NUP214: variants seen among roughly 807,000 people sequenced by gnomAD.
NUP214 encodes nuclear pore complex protein Nup214.
Under a neutral mutation model 196.2 loss-of-function variants are expected in NUP214, and 79 were observed. The observed-to-expected ratio is 0.40, with a 90% CI of 0.34 to 0.49. NUP214 has a LOEUF of 0.49. NUP214 is among the 20% of genes least tolerant of loss of function. The probability of loss-of-function intolerance (pLI) is 0.58; values close to 1 mark genes in which losing one functional copy is unlikely to be tolerated. For missense variants in NUP214, 2,468 were observed against 2,539.0 expected (o/e 0.97, Z 0.60); for synonymous variants, 1,020 against 990.5 (o/e 1.03, Z -0.56).
intron 30 of NUP214, among the ~76,000 whole-genome samples, chr9:131,205,826 G>C: frequency 6.6e-6 from 1 of 152,116 alleles, no homozygotes; most frequent in East Asian, 1.9e-4. Flanking sequence ...GGGATTATAG[G>C]TGCCCACCAC....
intron 32 of NUP214, among the ~76,000 whole-genome samples, chr9:131,226,999 C>T (rs1834741844): frequency 6.6e-6 from 1 of 152,238 alleles, no homozygotes; most frequent in Non-Finnish European, 1.5e-5. Context: ...CTCCCGCTAG[C>T]ACGCAGTTCA....
chr9:131,128,562 T>G, intron 3 of NUP214, 79 bp downstream of exon 3: 1 of 1,294,980 alleles, frequency 7.7e-7, no homozygotes, highest in African/African-American at 1.5e-5. Context: ...CTTGGAAGCT[T>G]CATAGGTTAA....
intron 25 of NUP214, among the ~76,000 whole-genome samples, chr9:131,187,708 A>G (rs530438577): frequency 1.1e-4 from 17 of 152,152 alleles, no homozygotes; most frequent in Non-Finnish European, 2.4e-4. Context: ...TTTAACATTC[A>G]TGCCGTGTCT....
chr9:131,169,728 A>C (rs193274108), intron 21 of NUP214, among the ~76,000 whole-genome samples: 318 of 152,204 alleles, frequency 2.1e-3, no homozygotes, highest in Non-Finnish European at 3.3e-3. Context: ...TTTCCATTGC[A>C]CCTACCTAAC....
rs867894396 is a variant in NUP214, at chr9:131,162,782, T to A, written c.2541-209T>A. The stretch of plus-strand genomic sequence containing the variant: ...TTGCTACAGGACTGGCCTGCCTGTT[T>A]CCAGCTGTTTTCTCCACATTCCATT... On this transcript the variant is annotated intron_variant, in intron 18 of 35. Coordinates refer to ENST00000359428, the MANE Select transcript of NUP214 (RefSeq NM_005085.4). 3.4e-5 allele frequency: 19 copies of A among 565,650 alleles called. No individual in the cohort carries two copies. In the South Asian group the frequency reaches 3.5e-4, roughly 11 times the overall value. 35.0% of individuals were successfully genotyped at this position (565,650 alleles called of 1,614,324 possible). A position where few individuals can be genotyped will look rare whatever the true frequency, so the allele number is the denominator to read the frequency against.
chr9:131,212,544 G>A (rs907616996), intron 30 of NUP214, among the ~76,000 whole-genome samples: 8 of 152,024 alleles, frequency 5.3e-5, no homozygotes, highest in Admixed American at 6.6e-5. Context: ...CAGACTGGCC[G>A]ACACTTAGGG....
At chr9:131,202,872 T>C (rs1202471333) in intron 30 of NUP214, among the ~76,000 whole-genome samples, 1 of 152,018 alleles carries the variant, frequency 6.6e-6, no homozygotes. Flanking sequence ...TTTGATTTTA[T>C]GTAGCTAGCA....
At chr9:131,176,835 G>A (rs1401060946) in intron 23 of NUP214, among the ~76,000 whole-genome samples, 1 of 152,124 alleles carries the variant, frequency 6.6e-6, no homozygotes, top group Non-Finnish European at 1.5e-5. Context: ...AGTTTTATAA[G>A]CTAGTAGTTC....
In NUP214 at chr9:131,147,589, G is replaced by A. The variant is rs1832121284; in HGVS notation, c.2040+5G>A. On this transcript the variant is annotated splice_donor_5th_base_variant and intron_variant, in intron 14 of 35. Coordinates refer to ENST00000359428, the MANE Select transcript of NUP214 (RefSeq NM_005085.4). ...GCAAAGCCAGGCTCTCCCCAGGTAT[G>A]TTTAAATTCAGCTTGCAATGTTTGT... The A allele has an allele frequency of 1.2e-6, 2 of 1,600,018 alleles. No individual in the cohort carries two copies. The highest frequency in any genetic ancestry group is 1.1e-5 in the South Asian group (1 of 90,414).
At chr9:131,188,952 T>C in intron 25 of NUP214, 101 bp from the exon 26 acceptor site, 1 of 852,418 alleles carries the variant, frequency 1.2e-6, no homozygotes, top group Non-Finnish European at 1.9e-6. Context: ...TTGTCCTTGC[T>C]TATTTTAAAT....
At position 131,201,575 on chromosome 9, in the gene NUP214, AC is replaced by A. The variant is rs374813071; in HGVS notation, c.5522-71del. The A allele has an allele frequency of 5.5e-4, 706 of 1,282,792 alleles. 3 individuals carry two copies. The African/African-American group carries it at 6.6e-3, about 12-fold the overall frequency. 79.5% of individuals were successfully genotyped at this position (1,282,792 alleles called of 1,614,324 possible). ...CGAGACTCTGCCTCAAAAAAAAAAAACAACAAAACTTTAATGTTGTAAAAGA... is the reference window on the plus strand; with the variant it reads ...CGAGACTCTGCCTCAAAAAAAAAAAAAACAAAACTTTAATGTTGTAAAAGA... On this transcript the variant is annotated intron_variant, in intron 29 of 35. Coordinates refer to ENST00000359428, the MANE Select transcript of NUP214 (RefSeq NM_005085.4).
intron 21 of NUP214, among the ~76,000 whole-genome samples, chr9:131,169,149 C>T (rs530467844): frequency 6.6e-6 from 1 of 150,562 alleles, no homozygotes; most frequent in African/African-American, 2.4e-5. Context: ...TCTCCTGCCT[C>T]AGCTTCTTAA....
chr9:131,125,631 T>C lies in NUP214; in HGVS notation c.-74T>C. ...GGCGCTGAGGGGAGGAAGTTTGCTG[T>C]CGAGCGGCCTGGGTTCCGTGGGCAA... On this transcript the variant is annotated 5_prime_UTR_variant, in exon 1 of 36. Coordinates refer to ENST00000359428, the MANE Select transcript of NUP214 (RefSeq NM_005085.4). This position sits in a 1 kb window ranked among gnomAD's most constrained non-coding sequence, Gnocchi z 4.1. 2 of 1,547,514 alleles carry C rather than the reference T, an allele frequency of 1.3e-6. No homozygotes were observed. The highest frequency in any genetic ancestry group is 5.0e-5 in the East Asian group (2 of 40,316).
At chr9:131,143,668 C>T (rs1166824174) in intron 11 of NUP214, among the ~76,000 whole-genome samples, 2 of 152,054 alleles carry the variant, frequency 1.3e-5, no homozygotes, top group Admixed American at 1.3e-4. Context: ...ATTTTAAAAT[C>T]TCAATTTGTA....
chr9:131,192,330 C>T, intron 27 of NUP214, 38 bp downstream of exon 27: 1 of 1,171,036 alleles, frequency 8.5e-7, no homozygotes, highest in Non-Finnish European at 1.3e-6. Flanking sequence ...AAATTACTAG[C>T]AATTAGCTTC....
chr9:131,184,062 G>A (rs1365129915), intron 24 of NUP214, among the ~76,000 whole-genome samples: 3 of 104,292 alleles, frequency 2.9e-5, no homozygotes, highest in Non-Finnish European at 5.4e-5. Context: ...ATGGAGTCTC[G>A]CTTTGTCACC....
intron 7 of NUP214, among the ~76,000 whole-genome samples, chr9:131,134,573 C>T (rs2133459624): frequency 6.6e-6 from 1 of 152,126 alleles, no homozygotes; most frequent in Admixed American, 6.5e-5. Context: ...TTGTATGTAT[C>T]ATTTCATTTT....
At chr9:131,161,074 T>C (rs1181742487) in intron 18 of NUP214, among the ~76,000 whole-genome samples, 2 of 152,230 alleles carry the variant, frequency 1.3e-5, no homozygotes, top group African/African-American at 4.8e-5. Context: ...AGAAAGTGCA[T>C]GATGCTTAAA....
At chr9:131,164,170 G>A (rs1223290270) in intron 21 of NUP214, 26 bp downstream of exon 21, 1 of 1,607,492 alleles carries the variant, frequency 6.2e-7, no homozygotes, top group South Asian at 1.1e-5. Context: ...AACTGGGCCT[G>A]TACATAGTGA....
Sources: allele counts gnomAD v4.1 joint callset (sites outside exome capture counted in the v4.1 genomes callset), GRCh38; gene constraint gnomAD v4.1.1; non-coding constraint Gnocchi (gnomAD v3.1); transcripts MANE v1.5; gene names NCBI Gene and HGNC (gene_info 2026-07-23, HGNC 2026-07-21).